The following WDR70 variants were observed in gnomAD, a reference collection of about 807,000 sequenced individuals.
WDR70 encodes the protein WD repeat-containing protein 70.
Under a neutral mutation model 88.6 loss-of-function variants are expected in WDR70, and 53 were observed. The ratio of observed to expected loss-of-function variants is 0.60; its 90% CI spans 0.48 to 0.75. WDR70 has a LOEUF of 0.75. Among genes scored for constraint, WDR70 ranks in the 30% least tolerant of loss-of-function variants. The pLI is 0.00. For missense variants in WDR70, 610 were observed against 823.2 expected (o/e 0.74, Z 3.17); for synonymous variants, 280 against 270.0 (o/e 1.04, Z -0.36).
intron 7 of WDR70, among the ~76,000 whole-genome samples, chr5:37,457,136 C>A (rs77128918): frequency 0.16 from 24,996 of 151,950 alleles, 2,155 homozygotes; most frequent in South Asian, 0.27. Flanking sequence ...TGCTCTGTCG[C>A]CTGGGCTGGA....
intron 7 of WDR70, among the ~76,000 whole-genome samples, chr5:37,449,247 C>T (rs1030605144): frequency 4.6e-5 from 7 of 152,298 alleles, no homozygotes; most frequent in African/African-American, 1.7e-4. Flanking sequence ...GTCGCTTTGA[C>T]ATGCCTCCTT....
intron 15 of WDR70, 84 bp downstream of exon 15, chr5:37,723,018 A>G (rs1747868464): frequency 1.3e-6 from 2 of 1,531,096 alleles, no homozygotes; most frequent in Non-Finnish European, 1.8e-6. Context: ...AGACAGAGAA[A>G]GCCCTCAGAA....
chr5:37,710,025 A>C (rs1747463012), intron 13 of WDR70, among the ~76,000 whole-genome samples: 1 of 152,070 alleles, frequency 6.6e-6, no homozygotes, highest in Non-Finnish European at 1.5e-5. Context: ...GTTGTTCTTC[A>C]GATTTGAAGA....
At chr5:37,548,470 A>G (rs1352823962) in intron 9 of WDR70, among the ~76,000 whole-genome samples, 1 of 152,060 alleles carries the variant, frequency 6.6e-6, no homozygotes, top group Non-Finnish European at 1.5e-5. Context: ...TCTTTTGCCC[A>G]TTTTTAAATC....
At chr5:37,489,008 A>G (rs1463766197) in intron 8 of WDR70, among the ~76,000 whole-genome samples, 1 of 152,142 alleles carries the variant, frequency 6.6e-6, no homozygotes, top group Non-Finnish European at 1.5e-5. Context: ...TTCAGCATTG[A>G]TTCTGGATTT....
chr5:37,700,752 G>A (rs768864232), intron 11 of WDR70, among the ~76,000 whole-genome samples: 1 of 152,168 alleles, frequency 6.6e-6, no homozygotes, highest in Non-Finnish European at 1.5e-5. Context: ...ATTCTCCAGG[G>A]TTCCTTCTAG....
chr5:37,541,066 TAA>T (rs774114378), intron 9 of WDR70, among the ~76,000 whole-genome samples: 15 of 152,190 alleles, frequency 9.9e-5, no homozygotes, highest in Non-Finnish European at 2.2e-4. Flanking sequence ...ACAGAAATTT[TAA>T]AAAAGAGTCT....
intron 9 of WDR70, among the ~76,000 whole-genome samples, chr5:37,567,775 A>G (rs185389203): frequency 2.6e-5 from 4 of 152,156 alleles, no homozygotes; most frequent in Admixed American, 2.0e-4. Flanking sequence ...GCAGTGTTCT[A>G]TCTTTGTCTC....
At chr5:37,449,962 T>C (rs1581290603) in intron 7 of WDR70, among the ~76,000 whole-genome samples, 1 of 152,312 alleles carries the variant, frequency 6.6e-6, no homozygotes. Context: ...GTGTTCTCAT[T>C]GTTCAGCTCC....
At chr5:37,600,308 A>G (rs1743834846) in intron 9 of WDR70, among the ~76,000 whole-genome samples, 1 of 152,154 alleles carries the variant, frequency 6.6e-6, no homozygotes, top group African/African-American at 2.4e-5. Flanking sequence ...CGGGTGGATC[A>G]TGATGTCAGG....
At chr5:37,535,702 C>T (rs1741645326) in intron 9 of WDR70, among the ~76,000 whole-genome samples, 1 of 152,160 alleles carries the variant, frequency 6.6e-6, no homozygotes, top group Admixed American at 6.5e-5. Context: ...TTATTGAGAA[C>T]TTAATATATA....
chr5:37,416,205 C>T (rs951904679), intron 5 of WDR70, among the ~76,000 whole-genome samples: 2 of 152,232 alleles, frequency 1.3e-5, no homozygotes, highest in Non-Finnish European at 2.9e-5. Context: ...CGCCACTGCA[C>T]TCCAGCCTGG....
intron 6 of WDR70, among the ~76,000 whole-genome samples, chr5:37,438,713 GA>G (rs1228040764): frequency 1.3e-5 from 2 of 151,998 alleles, no homozygotes; most frequent in Admixed American, 6.6e-5. Context: ...ACCCAGAAAT[GA>G]TATAAACAGG....
intron 17 of WDR70, among the ~76,000 whole-genome samples, chr5:37,736,643 TG>T (rs1326249599): frequency 1.4e-5 from 2 of 139,828 alleles, no homozygotes; most frequent in African/African-American, 2.7e-5. Context: ...TTTTTTGCGG[TG>T]GGGGGGTTGT....
chr5:37,521,792 A>C (rs960496294), intron 9 of WDR70, among the ~76,000 whole-genome samples: 9 of 151,768 alleles, frequency 5.9e-5, no homozygotes, highest in Admixed American at 5.9e-4. Context: ...GGCTGGTTCC[A>C]TGTTTTTGCA....
At chr5:37,728,364 C>CAAAAAAAAAAAAAAAAAAAAAAAA (rs5867361) in intron 17 of WDR70, among the ~76,000 whole-genome samples, 3 of 134,316 alleles carry the variant, frequency 2.2e-5, no homozygotes, top group Non-Finnish European at 3.1e-5. Flanking sequence ...AAAAAAAAAA[C>CAAAAAAAAAAAAAAAAAAAAAAAA]AAAAAAAAAA....
At chr5:37,450,081 C>CT (rs1199267572) in intron 7 of WDR70, among the ~76,000 whole-genome samples, 1 of 152,148 alleles carries the variant, frequency 6.6e-6, no homozygotes. Flanking sequence ...ATGAACTCAT[C>CT]TTTTTTTATG....
intron 8 of WDR70, among the ~76,000 whole-genome samples, chr5:37,513,711 T>C (rs568096318): frequency 1.6e-4 from 25 of 152,128 alleles, no homozygotes; most frequent in Non-Finnish European, 3.4e-4. Context: ...ACATCCAGCA[T>C]GGGAGAAAGA....
chr5:37,681,398 T>A (rs530853241), intron 10 of WDR70, among the ~76,000 whole-genome samples: 1 of 152,208 alleles, frequency 6.6e-6, no homozygotes, highest in Non-Finnish European at 1.5e-5. Flanking sequence ...ACTTCTTCTC[T>A]TCCTATTTGG....
Sources: gnomAD v4.1 joint callset for allele counts (sites outside exome capture counted in the v4.1 genomes callset) on GRCh38, gnomAD v4.1.1 for gene constraint, MANE v1.5 for transcripts, NCBI Gene and HGNC (gene_info 2026-07-23, HGNC 2026-07-21) for gene names.